Variants in CTRB1 observed in about 807,000 individuals in gnomAD.
CTRB1 encodes the protein chymotrypsinogen B.
A neutral mutation model predicts 20.4 loss-of-function variants in CTRB1; 15 were observed. The ratio of observed to expected loss-of-function variants is 0.74; its 90% CI spans 0.49 to 1.13. The LOEUF (loss-of-function observed/expected upper bound fraction) is 1.13, where lower values mean the gene tolerates loss of function less well. Ranked by LOEUF, CTRB1 falls within the 50% of genes most tolerant of loss-of-function variation. The pLI, the probability that CTRB1 is intolerant of heterozygous loss-of-function variation, is 0.00. For synonymous variants in CTRB1, 92 were observed against 128.4 expected (o/e 0.72, Z 1.92); for missense variants, 227 against 290.1 (o/e 0.78, Z 1.58).
intron 6 of CTRB1, among the ~76,000 whole-genome samples, chr16:75,224,487 C>G (rs1263248280): frequency 6.6e-6 from 1 of 152,248 alleles, no homozygotes; most frequent in African/African-American, 2.4e-5. Context: ...CTTTACTGAG[C>G]TGCCATTAAA....
intron 6 of CTRB1, 49 bp downstream of exon 6, chr16:75,224,237 G>C (rs961849406): frequency 8.0e-6 from 12 of 1,492,758 alleles, no homozygotes; most frequent in Non-Finnish European, 1.1e-5. Flanking sequence ...GGGTGCAGGG[G>C]AGGTCTGGGC....
In CTRB1 at chr16:75,222,837, T is replaced by C. The variant is rs760725877; in HGVS notation, c.122T>C (p.Val41Ala). The C allele has an allele frequency of 4.6e-6, 7 of 1,532,060 alleles. No homozygotes were observed. The East Asian group carries it at 1.5e-4, about 33-fold the overall frequency. The allele number at this position is 1,532,060 out of a possible 1,614,324, so 94.9% of individuals were successfully genotyped here. ...LSRIVNGEDA[V>A]PGSWPWQVSL... ...AGGATCGTGAATGGGGAGGACGCCG[T>C]CCCCGGCTCCTGGCCCTGGCAGGTG... Residue 41 changes from valine to alanine, a missense_variant, in exon 2 of 7, where the codon GTC becomes GCC. Transcript: ENST00000361017.
In CTRB1 at chr16:75,224,707, C is replaced by T. The variant is rs193920783; in HGVS notation, c.633C>T (p.Gly211=). 1.2e-5 allele frequency: 19 copies of T among 1,608,868 alleles called. No individual in the cohort carries two copies. Among genetic ancestry groups the T allele is most frequent in the Middle Eastern group, 1.7e-4 (1 of 6,030 alleles). ...GCCCCCTTCTCCCTCTCCCACAGGG[C>T]GACTCTGGCGGCCCCCTGGTCTGCC... ...AGASGVSSCM[G]DSGGPLVCQK... is the part of the protein sequence containing the mutation. The change falls in exon 7 of 7, where the codon GGC becomes GGT. Residue 211 remains glycine (G), a splice_region_variant and synonymous_variant. Coordinates refer to ENST00000361017, the MANE Select transcript of CTRB1 (RefSeq NM_001906.6).
At chr16:75,221,230 G>A (rs2039079200) in intron 1 of CTRB1, among the ~76,000 whole-genome samples, 1 of 152,210 alleles carries the variant, frequency 6.6e-6, no homozygotes, top group South Asian at 2.1e-4. Context: ...CCCGCGCACA[G>A]GAGTCGAGAA....
intron 2 of CTRB1, 45 bp from the exon 3 acceptor site, chr16:75,222,924 G>A (rs1215854237): frequency 6.2e-6 from 8 of 1,282,864 alleles, no homozygotes; most frequent in East Asian, 2.6e-5. Context: ...CAGGCTGGGG[G>A]TGCCCCCGGG....
chr16:75,221,691 C>A (rs552551366), intron 1 of CTRB1, among the ~76,000 whole-genome samples: 185 of 151,658 alleles, frequency 1.2e-3, no homozygotes, highest in Non-Finnish European at 2.1e-3. Context: ...GAAACCAAGA[C>A]CGGATATATG....
In CTRB1 at chr16:75,224,682, GCCC is replaced by G; in HGVS notation, c.631-20_631-18del. The G allele has an allele frequency of 6.3e-7, 1 of 1,592,532 alleles. No individual in the cohort carries two copies. The highest frequency in any genetic ancestry group is 8.5e-7 in the Non-Finnish European group (1 of 1,171,140). Reference sequence around the variant, plus strand: ...AGTCTGTCTCGGCTGCCAGATCCAAGCCCCCTTCTCCCTCTCCCACAGGGCGAC... The same window carrying G: ...AGTCTGTCTCGGCTGCCAGATCCAAGCCTTCTCCCTCTCCCACAGGGCGAC... On this transcript the variant is annotated intron_variant, in intron 6 of 6. Coordinates refer to ENST00000361017, the MANE Select transcript of CTRB1 (RefSeq NM_001906.6).
intron 1 of CTRB1, among the ~76,000 whole-genome samples, chr16:75,220,660 CT>C (rs1416066652): frequency 2.6e-5 from 4 of 152,244 alleles, no homozygotes; most frequent in Admixed American, 1.3e-4. Context: ...CTCAAATCTT[CT>C]CACTTCCTGC....
At chr16:75,221,709 A>G (rs986711500) in intron 1 of CTRB1, among the ~76,000 whole-genome samples, 1 of 149,236 alleles carries the variant, frequency 6.7e-6, no homozygotes, top group Non-Finnish European at 1.5e-5. Context: ...ATGGGGGCTC[A>G]TGCCTGTGAT....
Position 75,219,187 on chromosome 16 carries a change from G to C in CTRB1, c.52+128G>C, listed in dbSNP as rs2039043316. On this transcript the variant is annotated intron_variant, in intron 1 of 6. Transcript: ENST00000361017. Reference sequence around the variant, plus strand: ...ACAGGTAACCTGAGGGCTCAGGAGAGGGTGCATTCTGGGGCTTTCTGAGCC... The same window carrying C: ...ACAGGTAACCTGAGGGCTCAGGAGACGGTGCATTCTGGGGCTTTCTGAGCC... 4 of 960,982 alleles carry C rather than the reference G, an allele frequency of 4.2e-6. No individual in the cohort carries two copies. The South Asian group carries it at 6.4e-5, about 15-fold the overall frequency. The allele number at this position is 960,982 out of a possible 1,614,324, so 59.5% of individuals were successfully genotyped here. A position where few individuals can be genotyped will look rare whatever the true frequency, so the allele number is the denominator to read the frequency against.
rs375754863 is a variant in CTRB1, at chr16:75,222,759, C to T, written c.53-9C>T. On this transcript the variant is annotated splice_polypyrimidine_tract_variant and intron_variant, in intron 1 of 6. Coordinates refer to ENST00000361017, the MANE Select transcript of CTRB1 (RefSeq NM_001906.6). ...GGCCTCAGCCCTTATTCACCCCACT[C>T]CCCCCCAGGCTGCGGGGTCCCCGCC... 14 of 1,553,646 alleles carry T rather than the reference C, an allele frequency of 9.0e-6. 1 individual carries two copies. Among genetic ancestry groups the T allele is most frequent in the South Asian group, 2.4e-5 (2 of 84,636 alleles).
chr16:75,222,648 G>A, intron 1 of CTRB1, 120 bp from the exon 2 acceptor site: 2 of 1,124,320 alleles, frequency 1.8e-6, no homozygotes, highest in Non-Finnish European at 2.5e-6. Flanking sequence ...GGCGGCATGT[G>A]CCAGGGAGGT....
rs916607941 is a variant in CTRB1, at chr16:75,224,577, C to T, written c.631-128C>T. ...CTACTAGGGTCTTTCATAACCCACG[C>T]AACAGCACATGCTGAGCCTTTGCTG... On this transcript the variant is annotated intron_variant, in intron 6 of 6. Transcript: ENST00000361017. The T allele has an allele frequency of 2.5e-5, 29 of 1,140,368 alleles. No individual in the cohort carries two copies. The Admixed American group carries it at 4.0e-4, about 16-fold the overall frequency. The allele number at this position is 1,140,368 out of a possible 1,614,324, so 70.6% of individuals were successfully genotyped here.
In CTRB1 at chr16:75,222,752, C is replaced by A; in HGVS notation, c.53-16C>A. The A allele has an allele frequency of 3.2e-6, 5 of 1,553,782 alleles. No individual in the cohort carries two copies. Among genetic ancestry groups the A allele is most frequent in the South Asian group, 1.2e-5 (1 of 84,610 alleles). On this transcript the variant is annotated splice_polypyrimidine_tract_variant and intron_variant, in intron 1 of 6. Coordinates refer to ENST00000361017, the MANE Select transcript of CTRB1 (RefSeq NM_001906.6). The stretch of plus-strand genomic sequence containing the variant: ...GGTTTGGGGCCTCAGCCCTTATTCA[C>A]CCCACTCCCCCCCAGGCTGCGGGGT...
At position 75,223,354 on chromosome 16, in the gene CTRB1, C is replaced by CT. The variant is rs2065879216; in HGVS notation, c.316-92dup. 12 of 1,494,624 alleles carry CT rather than the reference C, an allele frequency of 8.0e-6. 1 individual carries two copies. The highest frequency in any genetic ancestry group is 1.0e-5 in the Non-Finnish European group (11 of 1,081,742). 92.6% of individuals were successfully genotyped at this position (1,494,624 alleles called of 1,614,324 possible). A position where few individuals can be genotyped will look rare whatever the true frequency, so the allele number is the denominator to read the frequency against. On this transcript the variant is annotated intron_variant, in intron 4 of 6. Coordinates refer to ENST00000361017, the MANE Select transcript of CTRB1 (RefSeq NM_001906.6). Reference sequence around the variant, plus strand: ...TTCCGGCCCTGGGGATGGACTGCTCCTTAACGGGCACCAGGGAAGGAGTCT... The same window carrying CT: ...TTCCGGCCCTGGGGATGGACTGCTCCTTTAACGGGCACCAGGGAAGGAGTCT...
intron 1 of CTRB1, 101 bp downstream of exon 1, chr16:75,219,160 G>A: frequency 7.8e-7 from 1 of 1,290,008 alleles, no homozygotes; most frequent in South Asian, 1.3e-5. Flanking sequence ...CTCATCCCCA[G>A]CACAGGTAAC....
intron 1 of CTRB1, 22 bp downstream of exon 1, chr16:75,219,081 G>T: frequency 2.5e-6 from 4 of 1,577,238 alleles, no homozygotes; most frequent in Non-Finnish European, 3.4e-6. Flanking sequence ...TGCCCGAGGG[G>T]TCTGTCCTGA....
In CTRB1 at chr16:75,222,821, A is replaced by G. The variant is rs775169798; in HGVS notation, c.106A>G (p.Asn36Asp). 6.5e-7 allele frequency: 1 copy of G among 1,543,888 alleles called. No homozygotes were observed. The highest frequency in any genetic ancestry group is 8.8e-7 in the Non-Finnish European group (1 of 1,142,012). ...PVLSGLSRIVNGEDAVPGSWP... is the reference protein window; with the variant it reads ...PVLSGLSRIVDGEDAVPGSWP... ...GCTCAGCGGCCTGTCCAGGATCGTG[A>G]ATGGGGAGGACGCCGTCCCCGGCTC... Residue 36 changes from asparagine to aspartate, a missense_variant, in exon 2 of 7, where the codon AAT (asparagine) becomes GAT (aspartate). Physicochemically the swap from Asn to Asp is conservative, Grantham distance 23. Transcript: ENST00000361017.
At chr16:75,222,552 C>G in intron 1 of CTRB1, 1 of 595,884 alleles carries the variant, frequency 1.7e-6, no homozygotes, top group Non-Finnish European at 2.9e-6. Context: ...AGACATGACG[C>G]TCTGCATCCT....
Sources: gnomAD v4.1 joint callset for allele counts (sites outside exome capture counted in the v4.1 genomes callset) on GRCh38, gnomAD v4.1.1 for gene constraint, MANE v1.5 for transcripts, NCBI Gene and HGNC (gene_info 2026-07-23, HGNC 2026-07-21) for gene names.